Variants in ZBTB45 observed in about 807,000 individuals in gnomAD.
ZBTB45 encodes the protein zinc finger and BTB domain-containing protein 45.
A neutral mutation model predicts 28.4 loss-of-function variants in ZBTB45; 22 were observed. The ratio of observed to expected loss-of-function variants is 0.77; its 90% CI spans 0.55 to 1.10. The LOEUF (loss-of-function observed/expected upper bound fraction) is 1.10, where lower values mean the gene tolerates loss of function less well. Ranked by LOEUF, ZBTB45 falls within the 50% of genes least tolerant of loss-of-function variation. The pLI, the probability that ZBTB45 is intolerant of heterozygous loss-of-function variation, is 0.00. For synonymous variants in ZBTB45, 361 were observed against 332.3 expected (o/e 1.09, Z -0.94); for missense variants, 656 against 750.2 (o/e 0.87, Z 1.47).
At chr19:58,520,509 T>C (rs1392662290), upstream of ZBTB45, among the ~76,000 whole-genome samples, 3 of 151,996 alleles carry the variant, frequency 2.0e-5, no homozygotes, top group Non-Finnish European at 4.4e-5. Context: ...TTACACTACA[T>C]GGTGAAAGGG....
intron 1 of ZBTB45, among the ~76,000 whole-genome samples, chr19:58,534,073 C>T (rs1164871840): frequency 6.6e-6 from 1 of 152,154 alleles, no homozygotes; most frequent in Non-Finnish European, 1.5e-5. Context: ...TTCTGAGAGC[C>T]AGAGATGTTC....
In ZBTB45 at chr19:58,516,856, A is replaced by C. The variant is rs1355270817; in HGVS notation, c.818T>G (p.Leu273Arg). 6.2e-7 allele frequency: 1 copy of C among 1,613,542 alleles called. No homozygotes were observed. Among genetic ancestry groups the C allele is most frequent in the Admixed American group, 1.7e-5 (1 of 60,012 alleles). ...GTCCTCAGCTGACCCAGCTCCCCGAAGAAAATCTCTCCCGGCACCACTGTA... is the reference window on the plus strand; with the variant it reads ...GTCCTCAGCTGACCCAGCTCCCCGACGAAAATCTCTCCCGGCACCACTGTA... ...ADYSGAGRDF[L>R]RGAGSAEDVF... Residue 273 changes from leucine to arginine, a missense_variant, in exon 2 of 3, where the codon CTT becomes CGT. This residue lies in a region of ZBTB45 where 448 missense variants were observed against 444.3 expected (regional missense o/e 1.01). Coordinates refer to ENST00000594051, the MANE Select transcript of ZBTB45 (RefSeq NM_001316979.2). The surrounding 1 kb of genome is among the most constrained non-coding windows in gnomAD (Gnocchi z 6.2).
Position 58,514,291 on chromosome 19 carries a change from G to A in ZBTB45, c.1299C>T (p.Cys433=), listed in dbSNP as rs1394167990. 5.6e-6 allele frequency: 9 copies of A among 1,605,228 alleles called. No homozygotes were observed. The African/African-American group carries it at 6.7e-5, about 12-fold the overall frequency. Residue 433 remains cysteine (C), a synonymous_variant, in exon 3 of 3, where the codon TGC becomes TGT. Coordinates refer to ENST00000594051, the MANE Select transcript of ZBTB45 (RefSeq NM_001316979.2). ...FIHSGEKPHQ[C]AVCWRSFSLR... Reference sequence around the variant, plus strand: ...GAGAGAAGGATCGCCAGCACACGGCGCACTGGTGCGGCTTCTCCCCTGCGG... The same window carrying A: ...GAGAGAAGGATCGCCAGCACACGGCACACTGGTGCGGCTTCTCCCCTGCGG...
In ZBTB45 at chr19:58,526,778, G is replaced by A. The variant is rs917656438; in HGVS notation, c.1-9105C>T. 1.3e-4 allele frequency among the ~76,000 whole-genome samples: 19 copies of A among 150,964 alleles called. No homozygotes were observed. The East Asian group carries it at 1.4e-3, about 11-fold the overall frequency. On this transcript the variant is annotated intron_variant, in intron 1 of 1. Coordinates refer to the ZBTB45 transcript ENST00000600130. The stretch of plus-strand genomic sequence containing the variant: ...GATCTCCTGACCTCGTGATCCGCCC[G>A]CCTCGGCCTCCCAAAGTGCTGGGAT...
At chr19:58,520,487 A>C (rs2053568348), upstream of ZBTB45, among the ~76,000 whole-genome samples, 1 of 151,946 alleles carries the variant, frequency 6.6e-6, no homozygotes, top group South Asian at 2.1e-4. Flanking sequence ...TGATTATCTC[A>C]CCTATGAATA....
At chr19:58,527,660 A>C (rs1490476998) in intron 1 of ZBTB45, among the ~76,000 whole-genome samples, 1 of 152,204 alleles carries the variant, frequency 6.6e-6, no homozygotes, top group Non-Finnish European at 1.5e-5. Flanking sequence ...CAACTGAGGC[A>C]GAACAGCCAC....
chr19:58,535,627 C>G (rs540872748), intron 1 of ZBTB45, among the ~76,000 whole-genome samples: 1 of 152,264 alleles, frequency 6.6e-6, no homozygotes, highest in East Asian at 1.9e-4. Flanking sequence ...CTTGGCCTCT[C>G]AAAGTGCTAG....
chr19:58,527,189 G>A (rs538011096), intron 1 of ZBTB45, among the ~76,000 whole-genome samples: 8 of 152,212 alleles, frequency 5.3e-5, no homozygotes, highest in African/African-American at 1.7e-4. Flanking sequence ...ACTGCTCCTC[G>A]ATGCCCTGGA....
At chr19:58,536,465 C>CAA (rs768760907) in intron 1 of ZBTB45, among the ~76,000 whole-genome samples, 25 of 76,126 alleles carry the variant, frequency 3.3e-4, no homozygotes, top group Admixed American at 1.3e-3. Flanking sequence ...GACGCCGTCT[C>CAA]AAAAAAAAAA....
chr19:58,527,767 G>T (rs910476557), intron 1 of ZBTB45, among the ~76,000 whole-genome samples: 3 of 151,850 alleles, frequency 2.0e-5, no homozygotes, highest in Admixed American at 6.6e-5. Context: ...CCCTGACTTT[G>T]TCCCCTCCCT....
chr19:58,518,690 T>C lies in ZBTB45; in HGVS notation c.1-1017A>G, dbSNP rs531113501. Among the ~76,000 whole-genome samples, 9 of 152,196 alleles carry C rather than the reference T, an allele frequency of 5.9e-5. No homozygotes were observed. In the South Asian group the frequency reaches 1.9e-3, roughly 32 times the overall value. On this transcript the variant is annotated intron_variant, in intron 1 of 2. Transcript: ENST00000594051. ...CATCCATCAAGCAGGTAAACCGTGA[T>C]CCTTCGGCCTGTTTCCCCTTCTATC...
chr19:58,522,159 C>G (rs910680461), upstream of ZBTB45, among the ~76,000 whole-genome samples: 1 of 135,344 alleles, frequency 7.4e-6, no homozygotes, highest in African/African-American at 2.7e-5. Flanking sequence ...CCCGTCTCTA[C>G]TTTTTTTTTT....
At chr19:58,522,881 G>A (rs1209114698), upstream of ZBTB45, among the ~76,000 whole-genome samples, 5 of 152,254 alleles carry the variant, frequency 3.3e-5, no homozygotes, top group South Asian at 2.1e-4. Flanking sequence ...GTTGAGGGGG[G>A]GAAGCCATGT....
At position 58,534,819 on chromosome 19, in the gene ZBTB45, G is replaced by A. The variant is rs561938901; in HGVS notation, c.-1+3882C>T. ...GATCCGCCCACCTCGGCCTGCCAAA[G>A]TGTTGGGATTACAGGCGTGAGCCAC... On this transcript the variant is annotated intron_variant, in intron 1 of 1. Coordinates refer to the ZBTB45 transcript ENST00000600130. 2.6e-5 allele frequency among the ~76,000 whole-genome samples: 4 copies of A among 151,234 alleles called. No individual in the cohort carries two copies. The East Asian group carries it at 7.8e-4, about 30-fold the overall frequency.
In ZBTB45 at chr19:58,538,262, T is replaced by G. The variant is rs116030116; in HGVS notation, c.-1+439A>C. ...CAGGGCCTCGCTCTGCAGTCCCAGGTAGGAGAGCAGGGGAGCGATCATAGC... is the reference window on the plus strand; with the variant it reads ...CAGGGCCTCGCTCTGCAGTCCCAGGGAGGAGAGCAGGGGAGCGATCATAGC... On this transcript the variant is annotated intron_variant, in intron 1 of 1. Coordinates refer to the ZBTB45 transcript ENST00000600130. 4.1e-3 allele frequency among the ~76,000 whole-genome samples: 617 copies of G among 151,776 alleles called. 4 individuals are homozygous for G. The highest frequency in any genetic ancestry group is 0.014 in the African/African-American group (576 of 41,336).
chr19:58,516,382 C>G lies in ZBTB45; in HGVS notation c.1279+13G>C, dbSNP rs145315487. The G allele has an allele frequency of 1.6e-3, 2,562 of 1,613,864 alleles. 44 individuals carry two copies. The African/African-American group carries it at 0.03, about 19-fold the overall frequency. On this transcript the variant is annotated intron_variant, in intron 2 of 2. Transcript: ENST00000594051. This position sits in a 1 kb window ranked among gnomAD's most constrained non-coding sequence, Gnocchi z 6.2. The stretch of plus-strand genomic sequence containing the variant: ...TGAGAGATTGCTCCCTCTCCTCCCC[C>G]GCCCTGGCTCACCCGAGTGGATGAA...
At chr19:58,528,100 G>T (rs1450727486) in intron 1 of ZBTB45, among the ~76,000 whole-genome samples, 1 of 152,170 alleles carries the variant, frequency 6.6e-6, no homozygotes, top group Non-Finnish European at 1.5e-5. Flanking sequence ...AAGATGCAAG[G>T]CCATTTGTGC....
chr19:58,524,541 C>G (rs918220911), upstream of ZBTB45, among the ~76,000 whole-genome samples: 2 of 149,894 alleles, frequency 1.3e-5, no homozygotes, highest in African/African-American at 4.9e-5. Flanking sequence ...CCTGAGAACA[C>G]AGGTTTGACA....
At chr19:58,528,176 A>G (rs770074391) in intron 1 of ZBTB45, among the ~76,000 whole-genome samples, 35 of 152,242 alleles carry the variant, frequency 2.3e-4, no homozygotes, top group Middle Eastern at 3.4e-3. Flanking sequence ...CATACCCCTG[A>G]AGATGGAGGG....
Sources: gnomAD v4.1 joint callset for allele counts (sites outside exome capture counted in the v4.1 genomes callset) on GRCh38, gnomAD v4.1.1 for gene constraint, gnomAD v4.1.1 regional missense constraint, Gnocchi (gnomAD v3.1) non-coding constraint, MANE v1.5 for transcripts, NCBI Gene and HGNC (gene_info 2026-07-23, HGNC 2026-07-21) for gene names.